MRPL37: variants seen among roughly 807,000 people sequenced by gnomAD.
The protein encoded by MRPL37 is mitochondrial ribosomal protein L37.
MRPL37 carries 34 observed loss-of-function variants against 44.1 expected under a neutral mutation model. That is an observed-to-expected ratio of 0.77 (90% CI 0.59 to 1.03). MRPL37 has a LOEUF of 1.03. Among genes scored for constraint, MRPL37 ranks in the 50% least tolerant of loss-of-function variants. The probability of loss-of-function intolerance (pLI) is 0.00; values close to 1 mark genes in which losing one functional copy is unlikely to be tolerated. For missense variants in MRPL37, 532 were observed against 543.7 expected (o/e 0.98, Z 0.21); for synonymous variants, 212 against 219.5 (o/e 0.97, Z 0.30).
At chr1:54,223,514 G>A (rs946734638), downstream of MRPL37, among the ~76,000 whole-genome samples, 1 of 152,220 alleles carries the variant, frequency 6.6e-6, no homozygotes, top group Non-Finnish European at 1.5e-5. Context: ...CTGGCCTAGC[G>A]CGTTAGTGGC....
intron 1 of MRPL37, among the ~76,000 whole-genome samples, chr1:54,201,024 G>A (rs1012795236): frequency 3.3e-5 from 5 of 152,184 alleles, no homozygotes; most frequent in African/African-American, 4.8e-5. Context: ...TTAATCTCCA[G>A]GCCTGTCACC....
intron 5 of MRPL37, among the ~76,000 whole-genome samples, chr1:54,213,938 T>C (rs1180479885): frequency 2.0e-5 from 3 of 151,490 alleles, no homozygotes; most frequent in Non-Finnish European, 4.4e-5. Flanking sequence ...ATCCCAGCAC[T>C]TTGGGAGGCC....
intron 1 of MRPL37, among the ~76,000 whole-genome samples, chr1:54,202,683 T>A (rs1483514962): frequency 2.0e-5 from 3 of 152,132 alleles, no homozygotes; most frequent in Admixed American, 1.3e-4. Flanking sequence ...TGTATTTCTT[T>A]TGTAGAGATG....
At chr1:54,220,743 G>C (rs1302157947), downstream of MRPL37, 1 of 471,444 alleles carries the variant, frequency 2.1e-6, no homozygotes, top group Admixed American at 2.3e-5. Flanking sequence ...AGGCTCCCCA[G>C]CCAGTGAGCT....
rs999969505 is a variant in MRPL37 at position 54,200,663 on chromosome 1, G to A, written c.346+74G>A. 4.1e-6 allele frequency: 6 copies of A among 1,464,844 alleles called. No homozygotes were observed. The African/African-American group carries it at 8.5e-5, about 21-fold the overall frequency. The allele number at this position is 1,464,844 out of a possible 1,614,324, so 90.7% of individuals were successfully genotyped here. A position where few individuals can be genotyped will look rare whatever the true frequency, so the allele number is the denominator to read the frequency against. On this transcript the variant is annotated intron_variant, in intron 1 of 6. Coordinates refer to ENST00000360840, the MANE Select transcript of MRPL37 (RefSeq NM_016491.4). ...CCGACCCCGACCCTCTGTGGCTTTG[G>A]GCAAGACATTGAAACTCTGTGGGTC...
Position 54,209,516 on chromosome 1 carries a change from G to A in MRPL37, c.647-430G>A, listed in dbSNP as rs376317765. ...ACTCTGTCACCCAGGCTGGAGTGCA[G>A]TGCCGTCATCTCAGCTCACTGCAAG... is the stretch of plus-strand genomic sequence containing the variant. On this transcript the variant is annotated intron_variant, in intron 3 of 6. Transcript: ENST00000360840. Among the ~76,000 whole-genome samples the A allele has an allele frequency of 2.0e-5, 3 of 149,508 alleles. No individual in the cohort carries two copies. The South Asian group carries it at 6.4e-4, about 32-fold the overall frequency.
intron 5 of MRPL37, among the ~76,000 whole-genome samples, chr1:54,215,052 G>C (rs559038034): frequency 6.6e-6 from 1 of 152,158 alleles, no homozygotes; most frequent in Non-Finnish European, 1.5e-5. Context: ...CTGCTTCATG[G>C]GGCCTGCCTG....
At chr1:54,214,038 C>T (rs976145938) in intron 5 of MRPL37, among the ~76,000 whole-genome samples, 4 of 152,184 alleles carry the variant, frequency 2.6e-5, no homozygotes, top group African/African-American at 4.8e-5. Context: ...CAAAGATTAG[C>T]TGGGTGTGGT....
At chr1:54,212,040 C>T in intron 4 of MRPL37, among the ~76,000 whole-genome samples, 1 of 152,302 alleles carries the variant, frequency 6.6e-6, no homozygotes, top group Non-Finnish European at 1.5e-5. Flanking sequence ...TTGCAAATGA[C>T]TTGCTTTCTT....
At chr1:54,209,866 G>C (rs1644151470) in intron 3 of MRPL37, 80 bp from the exon 4 acceptor site, 20 of 1,453,268 alleles carry the variant, frequency 1.4e-5, no homozygotes, top group Non-Finnish European at 1.8e-5. Context: ...CAAAGTGCTG[G>C]GATTATAGGC....
chr1:54,219,921 T>G (rs1011928454), downstream of MRPL37, among the ~76,000 whole-genome samples: 1 of 152,242 alleles, frequency 6.6e-6, no homozygotes, highest in Non-Finnish European at 1.5e-5. Context: ...CACATTAGTA[T>G]CTGTTGATGG....
At chr1:54,204,125 A>G (rs1261866727) in intron 1 of MRPL37, among the ~76,000 whole-genome samples, 2 of 152,204 alleles carry the variant, frequency 1.3e-5, no homozygotes, top group Non-Finnish European at 2.9e-5. Context: ...GCTAATGCCT[A>G]TAATCCCAGC....
chr1:54,218,383 A>G lies in MRPL37; in HGVS notation c.*134A>G. 1.3e-6 allele frequency: 2 copies of G among 1,536,808 alleles called. No individual in the cohort carries two copies. The highest frequency in any genetic ancestry group is 1.7e-6 in the Non-Finnish European group (2 of 1,149,210). On this transcript the variant is annotated 3_prime_UTR_variant, in exon 7 of 7. Coordinates refer to ENST00000360840, the MANE Select transcript of MRPL37 (RefSeq NM_016491.4). The stretch of plus-strand genomic sequence containing the variant: ...ATAAAGAGCCCTTGCGTTGCACTGA[A>G]GCCTGTGTTTGGTATGAGGGTGCCA...
downstream of MRPL37, among the ~76,000 whole-genome samples, chr1:54,219,686 C>T (rs565376090): frequency 1.3e-5 from 2 of 152,176 alleles, no homozygotes; most frequent in South Asian, 2.1e-4. Context: ...GTCGACCCAC[C>T]CAAGGTGATC....
chr1:54,221,853 T>G (rs537866602), downstream of MRPL37, among the ~76,000 whole-genome samples: 1 of 149,852 alleles, frequency 6.7e-6, no homozygotes, highest in Non-Finnish European at 1.5e-5. Context: ...AATAAGCACC[T>G]ACTGTGTACC....
Position 54,205,351 on chromosome 1 carries a change from C to A in MRPL37, c.587C>A (p.Pro196His), listed in dbSNP as rs556138314. 2 of 1,614,104 alleles carry A rather than the reference C, an allele frequency of 1.2e-6. No individual in the cohort carries two copies. Among genetic ancestry groups the A allele is most frequent in the East Asian group, 4.5e-5 (2 of 44,884 alleles). Reference sequence around the variant, plus strand: ...TGTAAATCTCAGATTCTCAAGCATCCTTCTCTGGCCAGGAGGATCTGTGTC... The same window carrying A: ...TGTAAATCTCAGATTCTCAAGCATCATTCTCTGGCCAGGAGGATCTGTGTC... ...QLCKSQILKH[P>H]SLARRICVQN... Residue 196 changes from proline (P) to histidine (H), a missense_variant, in exon 3 of 7, where the codon CCT (proline) becomes CAT (histidine). Coordinates refer to ENST00000360840, the MANE Select transcript of MRPL37 (RefSeq NM_016491.4).
chr1:54,220,941 TC>T, downstream of MRPL37: 1 of 387,776 alleles, frequency 2.6e-6, no homozygotes, highest in South Asian at 2.0e-5. Context: ...GTTCTTCAGT[TC>T]ATTTCCAGCA....
At chr1:54,218,507 A>ATCTTCATCTGTCTCTTTCCATT (rs1553179817), downstream of MRPL37, 1 of 794,512 alleles carries the variant, frequency 1.3e-6, no homozygotes, top group Admixed American at 3.5e-5. Context: ...TTAGATAAGG[A>ATCTTCATCTGTCTCTTTCCATT]TCTTCATCTG....
downstream of MRPL37, chr1:54,225,311 C>G: frequency 1.6e-6 from 2 of 1,234,106 alleles, no homozygotes; most frequent in Non-Finnish European, 2.0e-6. Context: ...AGGCAGACGC[C>G]TCAAACACAA....
Sources: allele counts gnomAD v4.1 joint callset (sites outside exome capture counted in the v4.1 genomes callset), GRCh38; gene constraint gnomAD v4.1.1; transcripts MANE v1.5; gene names NCBI Gene and HGNC (gene_info 2026-07-23, HGNC 2026-07-21).